Variants in L3MBTL2 observed in about 807,000 individuals in gnomAD.
L3MBTL2 encodes lethal(3)malignant brain tumor-like protein 2.
In L3MBTL2, 49 loss-of-function variants were observed where a neutral mutation model predicts 86.4. The ratio of observed to expected loss-of-function variants is 0.57; its 90% CI spans 0.45 to 0.72. The LOEUF (loss-of-function observed/expected upper bound fraction) is 0.72, where lower values mean the gene tolerates loss of function less well. Among genes scored for constraint, L3MBTL2 ranks in the 30% least tolerant of loss-of-function variants. The pLI, the probability that L3MBTL2 is intolerant of heterozygous loss-of-function variation, is 0.00. For synonymous variants in L3MBTL2, 336 were observed against 350.6 expected (o/e 0.96, Z 0.47); for missense variants, 755 against 923.7 (o/e 0.82, Z 2.37).
intron 15 of L3MBTL2, among the ~76,000 whole-genome samples, chr22:41,228,851 C>CAAAA (rs1555921640): frequency 1.0e-5 from 1 of 97,346 alleles, no homozygotes; most frequent in Non-Finnish European, 2.2e-5. Context: ...CTCCATCGCA[C>CAAAA]AAAAAAAAAA....
Position 41,224,874 on chromosome 22 carries a change from C to T in L3MBTL2, c.1251+73C>T. The stretch of plus-strand genomic sequence containing the variant: ...CCGGGCCTGAGGGACCTGGCTCTTC[C>T]CCTGGGACCATCCCTTTCCCTCCTG... On this transcript the variant is annotated intron_variant, in intron 10 of 16. Coordinates refer to ENST00000216237, the MANE Select transcript of L3MBTL2 (RefSeq NM_031488.5). This position sits in a 1 kb window ranked among gnomAD's most constrained non-coding sequence, Gnocchi z 4.9. The T allele has an allele frequency of 1.3e-6, 2 of 1,559,888 alleles. No homozygotes were observed. The highest frequency in any genetic ancestry group is 1.8e-6 in the Non-Finnish European group (2 of 1,131,580).
rs542560356 is a variant in L3MBTL2 at position 41,224,688 on chromosome 22, C to T, written c.1175-37C>T. ...ATGGCCCAGGAGCCGCCTCCAACTCCCTTCTCTCCCTCATTCCCTATCCAT... is the reference window on the plus strand; with the variant it reads ...ATGGCCCAGGAGCCGCCTCCAACTCTCTTCTCTCCCTCATTCCCTATCCAT... On this transcript the variant is annotated intron_variant, in intron 9 of 16. Transcript: ENST00000216237. The surrounding 1 kb of genome is among the most constrained non-coding windows in gnomAD (Gnocchi z 4.9). 1.3e-6 allele frequency: 2 copies of T among 1,548,682 alleles called. No homozygotes were observed. Among genetic ancestry groups the T allele is most frequent in the Non-Finnish European group, 1.8e-6 (2 of 1,120,634 alleles).
In L3MBTL2 at chr22:41,227,652, C is replaced by T; in HGVS notation, c.1823-152C>T. ...GGACAGCTGTTCTCCGGCCCCTCCT[C>T]CAGCCCCGCCCTCTCCTCATTGCCC... On this transcript the variant is annotated intron_variant, in intron 14 of 16. Transcript: ENST00000216237. The surrounding 1 kb of genome is among the most constrained non-coding windows in gnomAD (Gnocchi z 6.0). 6.4e-7 allele frequency: 1 copy of T among 1,556,738 alleles called. No individual in the cohort carries two copies. The highest frequency in any genetic ancestry group is 8.7e-7 in the Non-Finnish European group (1 of 1,150,210).
intron 3 of L3MBTL2, among the ~76,000 whole-genome samples, chr22:41,215,727 T>C (rs1479164539): frequency 6.6e-6 from 1 of 152,132 alleles, no homozygotes; most frequent in Admixed American, 6.6e-5. Flanking sequence ...CATTCGCCTA[T>C]GTGGACCCTC....
At position 41,205,465 on chromosome 22, in the gene L3MBTL2, T is replaced by C. The variant is rs900886035; in HGVS notation, c.24+79T>C. On this transcript the variant is annotated intron_variant, in intron 1 of 16. Coordinates refer to ENST00000216237, the MANE Select transcript of L3MBTL2 (RefSeq NM_031488.5). ...TCCGTGGGCCCTTCTTTAGGGCTTT[T>C]AGCGACGCCTGGAGGGTGGAGGGTG... 14 of 1,521,498 alleles carry C rather than the reference T, an allele frequency of 9.2e-6. No homozygotes were observed. The African/African-American group carries it at 1.2e-4, about 13-fold the overall frequency. 94.2% of individuals were successfully genotyped at this position (1,521,498 alleles called of 1,614,324 possible).
chr22:41,228,805 G>A (rs957659607), intron 15 of L3MBTL2, among the ~76,000 whole-genome samples: 4 of 150,220 alleles, frequency 2.7e-5, no homozygotes, highest in African/African-American at 9.9e-5. Flanking sequence ...AGCCCAGATC[G>A]CTCCACTTCA....
Position 41,227,457 on chromosome 22 carries a change from T to A in L3MBTL2, c.1822+134T>A. 8.4e-7 allele frequency: 1 copy of A among 1,191,662 alleles called. No individual in the cohort carries two copies. Among genetic ancestry groups the A allele is most frequent in the Non-Finnish European group, 1.2e-6 (1 of 823,248 alleles). The allele number at this position is 1,191,662 out of a possible 1,614,324, so 73.8% of individuals were successfully genotyped here. ...CTCATGGACCACTTTAAGTAGAGAG[T>A]GAGCCCCGTCACCCAGCCCCTGCTC... On this transcript the variant is annotated intron_variant, in intron 14 of 16. Coordinates refer to ENST00000216237, the MANE Select transcript of L3MBTL2 (RefSeq NM_031488.5). This position sits in a 1 kb window ranked among gnomAD's most constrained non-coding sequence, Gnocchi z 6.0.
At chr22:41,228,090 C>CA (rs1220172457) in intron 15 of L3MBTL2, 6 of 985,336 alleles carry the variant, frequency 6.1e-6, no homozygotes, top group Non-Finnish European at 7.2e-6. Context: ...AGGGAGTGTT[C>CA]AGTCTCTGGC....
chr22:41,226,503 G>C (rs1009693506), intron 12 of L3MBTL2, among the ~76,000 whole-genome samples, 159 bp from the exon 13 acceptor site: 1 of 152,216 alleles, frequency 6.6e-6, no homozygotes, highest in Non-Finnish European at 1.5e-5. Context: ...TGTGGTGCTA[G>C]AGCAGGTACT....
intron 1 of L3MBTL2, among the ~76,000 whole-genome samples, chr22:41,206,782 G>A (rs2030254556): frequency 6.6e-6 from 1 of 151,780 alleles, no homozygotes; most frequent in Admixed American, 6.6e-5. Flanking sequence ...ACTCCAGCCT[G>A]GACGACAGAG....
intron 8 of L3MBTL2, 200 bp downstream of exon 8, chr22:41,221,487 C>G (rs2031815193): frequency 3.4e-6 from 2 of 583,008 alleles, no homozygotes; most frequent in Admixed American, 2.8e-5. Context: ...GCCACTGCCC[C>G]ACCCAGACTC....
At chr22:41,214,142 G>A in intron 3 of L3MBTL2, 116 bp downstream of exon 3, 2 of 1,026,540 alleles carry the variant, frequency 1.9e-6, no homozygotes, top group Non-Finnish European at 2.9e-6. Context: ...GTGGCCAGCT[G>A]GTATTTATTA....
intron 15 of L3MBTL2, chr22:41,228,213 G>T (rs910507460): frequency 2.0e-6 from 2 of 985,332 alleles, no homozygotes; most frequent in Admixed American, 1.2e-4. Flanking sequence ...CAGCTGCTAG[G>T]TTCTAAAGGA....
At chr22:41,214,166 C>T (rs2031143157) in intron 3 of L3MBTL2, 140 bp downstream of exon 3, 1 of 814,508 alleles carries the variant, frequency 1.2e-6, no homozygotes, top group Admixed American at 2.6e-5. Flanking sequence ...TCTCAAACTT[C>T]AGAGGACAGT....
rs2031444529 is a variant in L3MBTL2, at chr22:41,217,118, T to G, written c.521-5T>G. 4 of 1,613,144 alleles carry G rather than the reference T, an allele frequency of 2.5e-6. No homozygotes were observed. The Admixed American group carries it at 5.0e-5, about 20-fold the overall frequency. On this transcript the variant is annotated splice_polypyrimidine_tract_variant and splice_region_variant and intron_variant, in intron 4 of 16. Coordinates refer to ENST00000216237, the MANE Select transcript of L3MBTL2 (RefSeq NM_031488.5). Reference sequence around the variant, plus strand: ...CTAGTCTGACTCGTCCTCTCTGCTCTGCAGCTCTGGTCTTGGGCTTCGACT... The same window carrying G: ...CTAGTCTGACTCGTCCTCTCTGCTCGGCAGCTCTGGTCTTGGGCTTCGACT...
intron 7 of L3MBTL2, 51 bp downstream of exon 7, chr22:41,220,919 AG>A: frequency 6.3e-7 from 1 of 1,581,092 alleles, no homozygotes. Flanking sequence ...CCCCTGGTAG[AG>A]GGAGAGTCCT....
chr22:41,205,487 G>T, intron 1 of L3MBTL2, 101 bp downstream of exon 1: 1 of 1,380,990 alleles, frequency 7.2e-7, no homozygotes, highest in Non-Finnish European at 1.0e-6. Flanking sequence ...GAGGGTGGAG[G>T]GTGGGAGGAT....
Position 41,211,557 on chromosome 22 carries a change from C to CTTTCTTTTTTTTTTTTTTT in L3MBTL2, c.262+1627_262+1628insCTTTTTTTTTTTTTTTTTT, listed in dbSNP as rs1039028243. ...ACTCTTTGCAGTTGAATCTTATTTC[C>CTTTCTTTTTTTTTTTTTTT]TTTTTTTTTTTTTTTTTGAGACGGA... is the stretch of plus-strand genomic sequence containing the variant. On this transcript the variant is annotated intron_variant, in intron 2 of 16. Coordinates refer to ENST00000216237, the MANE Select transcript of L3MBTL2 (RefSeq NM_031488.5). Among the ~76,000 whole-genome samples, 414 of 97,304 alleles carry CTTTCTTTTTTTTTTTTTTT rather than the reference C, an allele frequency of 4.3e-3. 31 individuals are homozygous for CTTTCTTTTTTTTTTTTTTT. The highest frequency in any genetic ancestry group is 7.4e-3 in the African/African-American group (173 of 23,500). 63.8% of individuals were successfully genotyped at this position (97,304 alleles called of 152,430 possible).
chr22:41,220,454 G>A (rs1341180471), intron 6 of L3MBTL2, among the ~76,000 whole-genome samples: 5 of 152,078 alleles, frequency 3.3e-5, no homozygotes, highest in Non-Finnish European at 4.4e-5. Flanking sequence ...TTGGGAGGCC[G>A]AGGAGGGCAG....
Sources: allele counts gnomAD v4.1 joint callset (sites outside exome capture counted in the v4.1 genomes callset), GRCh38; gene constraint gnomAD v4.1.1; non-coding constraint Gnocchi (gnomAD v3.1); transcripts MANE v1.5; gene names NCBI Gene and HGNC (gene_info 2026-07-23, HGNC 2026-07-21).